Variants in PRSS33 observed in about 807,000 individuals in gnomAD.
PRSS33 encodes the protein serine protease 33.
PRSS33 carries 32 observed loss-of-function variants against 26.7 expected under a neutral mutation model. That is an observed-to-expected ratio of 1.20 (90% CI 0.90 to 1.61). The LOEUF (loss-of-function observed/expected upper bound fraction) is 1.61, where lower values mean the gene tolerates loss of function less well. Among genes scored for constraint, PRSS33 ranks in the 40% most tolerant of loss-of-function variants. PRSS33 has a pLI of 0.00. For missense variants in PRSS33, 450 were observed against 396.3 expected, an observed-to-expected ratio of 1.14 and a Z score of -1.15; for synonymous variants, 192 against 177.6, an observed-to-expected ratio of 1.08 and a Z score of -0.64.
chr16:2,784,950 G>A lies in PRSS33; in HGVS notation c.684+52C>T, dbSNP rs568853302. 144 of 1,572,022 alleles carry A rather than the reference G, an allele frequency of 9.2e-5. 3 individuals carry two copies. The South Asian group carries it at 1.6e-3, about 17-fold the overall frequency. On this transcript the variant is annotated intron_variant, in intron 6 of 6. Transcript: ENST00000682474. ...TGGGTCCTGGAGTTCAGGGAGGGAG[G>A]GTGCTGGGCACAGGGAGGGGACTCC...
Position 2,785,888 on chromosome 16 carries a change from C to T in PRSS33, c.153G>A (p.Gln51=), listed in dbSNP as rs778726850. 6.7e-5 allele frequency: 108 copies of T among 1,610,778 alleles called. No homozygotes were observed. The highest frequency in any genetic ancestry group is 9.1e-5 in the Non-Finnish European group (107 of 1,179,360). Residue 51 remains glutamine (Q), a synonymous_variant, in exon 4 of 7, where the codon CAG becomes CAA. Coordinates refer to ENST00000682474, the MANE Select transcript of PRSS33 (RefSeq NM_152891.3). ...RDGRDGEWPW[Q]ASIQHRGAHV... is the part of the protein sequence containing the mutation. ...GTGCCCCACGATGCTGGATGCTCGC[C>T]TGCCACGGCCACTCTCCGTCCCGGC...
Position 2,785,107 on chromosome 16 carries a change from G to T in PRSS33, c.579C>A (p.Cys193Ter). ...CCGCGCCCACGTGGTAGAGGCCGTC[G>T]CAGGTGCGCGAGTCCAGCAGCGGCA... Reference protein sequence around the residue: ...VRVPLLDSRTCDGLYHVGADV... With the variant: ...VRVPLLDSRT The change falls in exon 6 of 7, where the codon TGC becomes TGA. Residue 193 changes from cysteine to a stop codon, truncating the protein, a stop_gained. Coordinates refer to ENST00000682474, the MANE Select transcript of PRSS33 (RefSeq NM_152891.3). LOFTEE classifies it high-confidence loss of function. The T allele has an allele frequency of 1.3e-6, 2 of 1,549,780 alleles. No homozygotes were observed. Among genetic ancestry groups the T allele is most frequent in the Non-Finnish European group, 1.7e-6 (2 of 1,149,958 alleles).
chr16:2,786,676 C>T (rs1181069527), intron 1 of PRSS33, 72 bp from the exon 2 acceptor site: 1 of 982,210 alleles, frequency 1.0e-6, no homozygotes, highest in Admixed American at 2.2e-5. Context: ...CCCGTCACCC[C>T]CTCCGTGGTC....
At position 2,784,528 on chromosome 16, in the gene PRSS33, T is replaced by G; in HGVS notation, c.*116A>C. The G allele has an allele frequency of 2.9e-6, 3 of 1,017,384 alleles. No individual in the cohort carries two copies. Among genetic ancestry groups the G allele is most frequent in the Non-Finnish European group, 2.8e-6 (2 of 716,460 alleles). The allele number at this position is 1,017,384 out of a possible 1,614,324, so 63.0% of individuals were successfully genotyped here. ...TGGGGGGTGGGGTGGCCTTTAGCTTTTTTAGGCATCTTGGCCTCGAGGCAG... is the reference window on the plus strand; with the variant it reads ...TGGGGGGTGGGGTGGCCTTTAGCTTGTTTAGGCATCTTGGCCTCGAGGCAG... On this transcript the variant is annotated 3_prime_UTR_variant, in exon 7 of 7. Transcript: ENST00000682474.
intron 2 of PRSS33, 97 bp downstream of exon 2, chr16:2,786,405 G>T (rs1224863163): frequency 6.3e-6 from 9 of 1,439,344 alleles, no homozygotes; most frequent in Non-Finnish European, 8.6e-6. Context: ...GAAAGCCCAA[G>T]AGTGCTCCAG....
chr16:2,786,479 C>G, intron 2 of PRSS33, 23 bp downstream of exon 2: 1 of 1,613,074 alleles, frequency 6.2e-7, no homozygotes, highest in Non-Finnish European at 8.5e-7. Context: ...CGGCCCTCAC[C>G]CCCAGTCCCT....
At position 2,785,421 on chromosome 16, in the gene PRSS33, G is replaced by A. The variant is rs2068861576; in HGVS notation, c.468C>T (p.Pro156=). ...AGCCGGTGACCCGGCATGGTGTGCC[G>A]GGCGGCGGGCGGGCGCCGGGCACGG... The part of the protein sequence containing the change: ...CLPVPGARPP[P]GTPCRVTGWG... Residue 156 remains proline, a synonymous_variant, in exon 5 of 7, where the codon CCC becomes CCT. Transcript: ENST00000682474. 4 of 1,454,090 alleles carry A rather than the reference G, an allele frequency of 2.8e-6. No individual in the cohort carries two copies. The highest frequency in any genetic ancestry group is 2.7e-5 in the East Asian group (1 of 37,318). The allele number at this position is 1,454,090 out of a possible 1,614,324, so 90.1% of individuals were successfully genotyped here. A position where few individuals can be genotyped will look rare whatever the true frequency, so the allele number is the denominator to read the frequency against.
In PRSS33 at chr16:2,786,469, C is replaced by T. The variant is rs766346211; in HGVS notation, c.46+33G>A. ...GGAGAACTGGGAGCCAAGGTGTCTG[C>T]GGCCCTCACCCCCAGTCCCTGTCCC... On this transcript the variant is annotated intron_variant, in intron 2 of 6. Transcript: ENST00000682474. The T allele has an allele frequency of 1.2e-5, 20 of 1,611,764 alleles. No homozygotes were observed. In the Admixed American group the frequency reaches 1.7e-4, roughly 13 times the overall value.
rs1224172133 is a variant in PRSS33, at chr16:2,786,539, C to T, written c.9G>A (p.Gly3=). The T allele has an allele frequency of 6.2e-7, 1 of 1,613,350 alleles. No homozygotes were observed. The stretch of plus-strand genomic sequence containing the variant: ...GGAGCAGGACCTGGAGACAGGAAAC[C>T]CCTCTCATTCTGTCTTCAAGGCTGG... MR[G]VSCLQVLLLL... The change falls in exon 2 of 7, where the codon GGG becomes GGA. Residue 3 remains glycine, a synonymous_variant. Transcript: ENST00000682474.
chr16:2,786,145 A>C, intron 2 of PRSS33, 24 bp from the exon 3 acceptor site: 1 of 1,606,552 alleles, frequency 6.2e-7, no homozygotes, highest in Non-Finnish European at 8.5e-7. Context: ...CAGGGAAGGG[A>C]CCAGATTATA....
Position 2,785,823 on chromosome 16 carries a change from A to G in PRSS33, c.218T>C (p.Leu73Pro). ...GGSLIAPQWV[L>P]TAAHCFPRRA... Reference sequence around the variant, plus strand: ...CCTGGGGAAGCAGTGCGCCGCTGTCAGCACCCACTGGGGGGCGATGAGCGA... The same window carrying G: ...CCTGGGGAAGCAGTGCGCCGCTGTCGGCACCCACTGGGGGGCGATGAGCGA... The change falls in exon 4 of 7, where the codon CTG (leucine) becomes CCG (proline). Residue 73 changes from leucine (L) to proline (P), a missense_variant. Physicochemically the swap from Leu to Pro is moderately conservative, Grantham distance 98. Transcript: ENST00000682474. 2 of 1,604,068 alleles carry G rather than the reference A, an allele frequency of 1.2e-6. No individual in the cohort carries two copies. Among genetic ancestry groups the G allele is most frequent in the Non-Finnish European group, 1.7e-6 (2 of 1,178,234 alleles).
Position 2,785,010 on chromosome 16 carries a change from C to G in PRSS33, c.676G>C (p.Ala226Pro), listed in dbSNP as rs371706924. The G allele has an allele frequency of 2.5e-6, 4 of 1,596,246 alleles. No individual in the cohort carries two copies. Among genetic ancestry groups the G allele is most frequent in the Non-Finnish European group, 2.6e-6 (3 of 1,174,042 alleles). ...GGAGGCTGGGTGCACACCTGGCAGG[C>G]GTCCTTGTGGCCCTGGGGGTAGCCG... is the stretch of plus-strand genomic sequence containing the variant. ...CAGYPQGHKD[A>P]CQGDSGGPLT... Residue 226 changes from alanine to proline, a missense_variant, in exon 6 of 7, where the codon GCC becomes CCC. Physicochemically the swap from Ala to Pro is conservative, Grantham distance 27. Coordinates refer to ENST00000682474, the MANE Select transcript of PRSS33 (RefSeq NM_152891.3).
In PRSS33 at chr16:2,785,389, C is replaced by A; in HGVS notation, c.500G>T (p.Ser167Ile). 7.0e-7 allele frequency: 1 copy of A among 1,430,518 alleles called. No homozygotes were observed. The highest frequency in any genetic ancestry group is 9.1e-7 in the Non-Finnish European group (1 of 1,102,796). 88.6% of individuals were successfully genotyped at this position (1,430,518 alleles called of 1,614,324 possible). Residue 167 changes from serine to isoleucine, a missense_variant, in exon 5 of 7, where the codon AGC becomes ATC. Physicochemically the swap from Ser to Ile is moderately radical, Grantham distance 142. Transcript: ENST00000682474. The part of the protein sequence containing the change: ...GTPCRVTGWG[S>I]LRPGVPLPEW... Reference sequence around the variant, plus strand: ...TCCTGCCTTACCTCCTGGGCGGAGGCTGCCCCAGCCGGTGACCCGGCATGG... The same window carrying A: ...TCCTGCCTTACCTCCTGGGCGGAGGATGCCCCAGCCGGTGACCCGGCATGG...
At chr16:2,784,874 G>A (rs1020827655) in intron 6 of PRSS33, 72 bp from the exon 7 acceptor site, 16 of 1,530,526 alleles carry the variant, frequency 1.0e-5, no homozygotes, top group East Asian at 2.4e-5. Context: ...GACCCCTGGC[G>A]TGGTGCCTCT....
chr16:2,785,896 G>C lies in PRSS33; in HGVS notation c.145C>G (p.Pro49Ala), dbSNP rs748876056. The C allele has an allele frequency of 9.3e-6, 15 of 1,611,050 alleles. No homozygotes were observed. The highest frequency in any genetic ancestry group is 1.2e-5 in the Non-Finnish European group (14 of 1,179,350). The change falls in exon 4 of 7, where the codon CCG becomes GCG. Residue 49 changes from proline (P) to alanine (A), a missense_variant. Transcript: ENST00000682474. ...GGRDGRDGEW[P>A]WQASIQHRGA... Reference sequence around the variant, plus strand: ...CGATGCTGGATGCTCGCCTGCCACGGCCACTCTCCGTCCCGGCCATCCCGG... The same window carrying C: ...CGATGCTGGATGCTCGCCTGCCACGCCCACTCTCCGTCCCGGCCATCCCGG...
In PRSS33 at chr16:2,785,735, G is replaced by T. The variant is rs369919770; in HGVS notation, c.242+64C>A. The T allele has an allele frequency of 1.1e-4, 159 of 1,497,910 alleles. 1 individual carries two copies. The East Asian group carries it at 2.6e-3, about 25-fold the overall frequency. 92.8% of individuals were successfully genotyped at this position (1,497,910 alleles called of 1,614,324 possible). ...GACCCCAACGCCTCTGCCAGGCCAC[G>T]CCCGGTCCTCTGCGGGCCTTGCCTT... On this transcript the variant is annotated intron_variant, in intron 4 of 6. Transcript: ENST00000682474.
At chr16:2,785,731 C>T in intron 4 of PRSS33, 68 bp downstream of exon 4, 1 of 1,490,538 alleles carries the variant, frequency 6.7e-7, no homozygotes, top group Non-Finnish European at 8.9e-7. Flanking sequence ...CTCTGCCAGG[C>T]CACGCCCGGT....
chr16:2,784,421 A>T lies in PRSS33; in HGVS notation c.*223T>A, dbSNP rs765035513. On this transcript the variant is annotated 3_prime_UTR_variant, in exon 7 of 7. Transcript: ENST00000682474. Reference sequence around the variant, plus strand: ...GGAGTGGGGAGTGTGACTCCCTGGGACTCATGGCAGATTCCTGGATGAGGG... The same window carrying T: ...GGAGTGGGGAGTGTGACTCCCTGGGTCTCATGGCAGATTCCTGGATGAGGG... 40 of 483,534 alleles carry T rather than the reference A, an allele frequency of 8.3e-5. No homozygotes were observed. The highest frequency in any genetic ancestry group is 1.2e-4 in the Non-Finnish European group (33 of 272,170). The allele number at this position is 483,534 out of a possible 1,614,324, so 30.0% of individuals were successfully genotyped here.
Position 2,785,066 on chromosome 16 carries a change from T to TCAG in PRSS33, c.617_619dup (p.Ala206dup). 1.9e-6 allele frequency: 3 copies of TCAG among 1,577,430 alleles called. No homozygotes were observed. In the South Asian group the frequency reaches 3.5e-5, roughly 18 times the overall value. ...CAGACTCCCAGGCAGCACAATGCGC[T>TCAG]CAGCCTGGGGCACGTCCGCGCCCAC... On this transcript the variant is annotated inframe_insertion, in exon 6 of 7. Transcript: ENST00000682474.
Sources: allele counts gnomAD v4.1 joint callset, GRCh38; gene constraint gnomAD v4.1.1; transcripts MANE v1.5; gene names NCBI Gene and HGNC (gene_info 2026-07-23, HGNC 2026-07-21).